Variants in ARHGEF3 observed in about 807,000 individuals in gnomAD.
ARHGEF3 encodes Rho guanine nucleotide exchange factor 3, also known as 59.8 kDA protein.
In ARHGEF3, 28 loss-of-function variants were observed where a neutral mutation model predicts 63.2. The observed-to-expected ratio is 0.44, with a 90% confidence interval of 0.33 to 0.61. ARHGEF3 has a LOEUF of 0.61. Among genes scored for constraint, ARHGEF3 ranks in the 20% least tolerant of loss-of-function variants. The pLI is 0.03. For synonymous variants in ARHGEF3, 266 were observed against 254.2 expected (o/e 1.05, Z -0.44); for missense variants, 533 against 659.3 (o/e 0.81, Z 2.10).
At chr3:57,002,107 T>C (rs1702220300) in intron 2 of ARHGEF3, among the ~76,000 whole-genome samples, 1 of 151,706 alleles carries the variant, frequency 6.6e-6, no homozygotes, top group African/African-American at 2.4e-5. Context: ...GTATTTTTAG[T>C]AGAGACAGGG....
At position 56,816,815 on chromosome 3, in the gene ARHGEF3, C is replaced by T. The variant is rs115770897; in HGVS notation, c.193-42999G>A. On this transcript the variant is annotated intron_variant, in intron 4 of 12. Transcript: ENST00000338458. The stretch of plus-strand genomic sequence containing the variant: ...AGAACCTCAAGTTCCAATTCTGAAG[C>T]GGAACGTTAATTCACAGGCCAGTCA... Among the ~76,000 whole-genome samples the T allele has an allele frequency of 3.9e-3, 595 of 152,284 alleles. 4 individuals are homozygous for T. The highest frequency in any genetic ancestry group is 0.014 in the African/African-American group (563 of 41,550).
At chr3:56,732,576 T>C in intron 8 of ARHGEF3, 152 bp from the exon 9 acceptor site, 1 of 866,310 alleles carries the variant, frequency 1.2e-6, no homozygotes, top group East Asian at 2.6e-5. Flanking sequence ...GAACCAAAGT[T>C]GGGCATGTTG....
chr3:56,785,020 G>A (rs1036052088), intron 1 of ARHGEF3, among the ~76,000 whole-genome samples: 2 of 152,050 alleles, frequency 1.3e-5, no homozygotes, highest in African/African-American at 4.8e-5. Context: ...TATTTCTGTT[G>A]TCCTGGGAGA....
chr3:57,054,529 T>C (rs1283405238), intron 1 of ARHGEF3, among the ~76,000 whole-genome samples: 1 of 150,304 alleles, frequency 6.7e-6, no homozygotes, highest in Admixed American at 6.6e-5. Context: ...TACCAGCGAC[T>C]CGGGAGGCTG....
intron 4 of ARHGEF3, among the ~76,000 whole-genome samples, chr3:56,869,408 G>A (rs1578721929): frequency 1.3e-5 from 2 of 152,164 alleles, no homozygotes; most frequent in South Asian, 2.1e-4. Flanking sequence ...TCAGCACATC[G>A]CAGGGTAAGT....
intron 3 of ARHGEF3, among the ~76,000 whole-genome samples, chr3:56,930,406 A>G (rs990055051): frequency 6.6e-6 from 1 of 152,184 alleles, no homozygotes; most frequent in Admixed American, 6.5e-5. Flanking sequence ...TTTCTTCTAG[A>G]AATAAAACCA....
intron 2 of ARHGEF3, among the ~76,000 whole-genome samples, chr3:56,967,863 C>CATATTATATATTATATATAATGACATATT (rs1553794065): frequency 2.7e-4 from 19 of 71,026 alleles, no homozygotes; most frequent in South Asian, 1.4e-3. Context: ...TATATAATGA[C>CATATTATATATTATATATAATGACATATT]ATATATAATA....
intron 2 of ARHGEF3, among the ~76,000 whole-genome samples, chr3:56,962,710 A>G (rs1700334569): frequency 6.6e-6 from 1 of 152,166 alleles, no homozygotes. Flanking sequence ...GAAAAGCCAC[A>G]AGCTCCCCAC....
intron 2 of ARHGEF3, among the ~76,000 whole-genome samples, chr3:57,020,410 G>C (rs1390624681): frequency 1.3e-5 from 2 of 152,108 alleles, no homozygotes; most frequent in African/African-American, 4.8e-5. Flanking sequence ...CCCTGTGTGT[G>C]GGTGACAGCA....
chr3:57,074,103 A>T, intron 1 of ARHGEF3: 1 of 1,613,958 alleles, frequency 6.2e-7, no homozygotes, highest in South Asian at 1.1e-5. Flanking sequence ...AGATGGGGAT[A>T]ATGAGAGGAC....
At chr3:57,078,914 G>C in intron 1 of ARHGEF3, 1 of 269,402 alleles carries the variant, frequency 3.7e-6, no homozygotes, top group Non-Finnish European at 7.0e-6. Flanking sequence ...ACAGAGTCAG[G>C]GTCCCCAGCA....
chr3:56,965,731 C>A (rs1319006538), intron 2 of ARHGEF3, among the ~76,000 whole-genome samples: 1 of 151,308 alleles, frequency 6.6e-6, no homozygotes, highest in African/African-American at 2.4e-5. Context: ...TCACTGCAAC[C>A]TCTGCCTTCC....
chr3:57,006,036 A>G (rs1436744765), intron 2 of ARHGEF3, among the ~76,000 whole-genome samples: 2 of 152,208 alleles, frequency 1.3e-5, no homozygotes, highest in Non-Finnish European at 2.9e-5. Context: ...CTGCACCCAC[A>G]TAAAGCCTGA....
intron 2 of ARHGEF3, among the ~76,000 whole-genome samples, chr3:57,002,914 C>G (rs1489304965): frequency 4.0e-5 from 6 of 151,356 alleles, no homozygotes; most frequent in Admixed American, 6.6e-5. Context: ...GCTGGGACTA[C>G]AGGCGCACGC....
chr3:56,838,999 C>T (rs966869719), intron 4 of ARHGEF3, among the ~76,000 whole-genome samples: 3 of 152,046 alleles, frequency 2.0e-5, no homozygotes, highest in Non-Finnish European at 1.5e-5. Context: ...ATTTACTGGG[C>T]GTGGTGGTAC....
chr3:56,868,844 C>A (rs1164780508), intron 4 of ARHGEF3, among the ~76,000 whole-genome samples: 1 of 152,160 alleles, frequency 6.6e-6, no homozygotes, highest in South Asian at 2.1e-4. Flanking sequence ...AAGAGTGCAA[C>A]CCCCACTTGT....
At chr3:56,768,814 C>T (rs2035856274) in intron 2 of ARHGEF3, among the ~76,000 whole-genome samples, 1 of 152,186 alleles carries the variant, frequency 6.6e-6, no homozygotes, top group Admixed American at 6.5e-5. Flanking sequence ...GTGCACCTAA[C>T]TGCATAGCTT....
chr3:56,760,101 G>A (rs1246437069), intron 2 of ARHGEF3, among the ~76,000 whole-genome samples: 1 of 152,128 alleles, frequency 6.6e-6, no homozygotes, highest in Non-Finnish European at 1.5e-5. Flanking sequence ...CATGCTTTGT[G>A]TATTTGTGCT....
chr3:56,986,653 TGAA>T (rs1219397128), intron 2 of ARHGEF3, among the ~76,000 whole-genome samples: 1 of 151,990 alleles, frequency 6.6e-6, no homozygotes, highest in African/African-American at 2.4e-5. Context: ...GAGTCCATGA[TGAA>T]GACTGCACAA....
Sources: allele counts gnomAD v4.1 joint callset (sites outside exome capture counted in the v4.1 genomes callset), GRCh38; gene constraint gnomAD v4.1.1; transcripts MANE v1.5; gene names NCBI Gene and HGNC (gene_info 2026-07-23, HGNC 2026-07-21).